Variants in PDE4B observed in about 807,000 individuals in gnomAD.
The protein encoded by PDE4B is 3',5'-cyclic-AMP phosphodiesterase 4B.
A neutral mutation model predicts 82.2 loss-of-function variants in PDE4B; 20 were observed. The ratio of observed to expected loss-of-function variants is 0.24; its 90% CI spans 0.17 to 0.35. The LOEUF is 0.35. PDE4B is among the 10% of genes least tolerant of loss of function. The pLI, the probability that PDE4B is intolerant of heterozygous loss-of-function variation, is 1.00. For missense variants in PDE4B, 655 were observed against 907.2 expected (o/e 0.72, Z 3.57); for synonymous variants, 320 against 318.9 (o/e 1.00, Z -0.04).
chr1:65,912,148 A>AT (rs1647099827), intron 1 of PDE4B, among the ~76,000 whole-genome samples: 1 of 152,112 alleles, frequency 6.6e-6, no homozygotes, highest in Admixed American at 6.6e-5. Flanking sequence ...TGGATTTTGT[A>AT]TTTTTTATAG....
intron 3 of PDE4B, among the ~76,000 whole-genome samples, chr1:65,989,497 A>G (rs2100673117): frequency 6.6e-6 from 1 of 152,314 alleles, no homozygotes; most frequent in East Asian, 1.9e-4. Flanking sequence ...TCTAAAAAAT[A>G]AAATAAAATA....
chr1:65,966,028 G>C (rs572401848), intron 3 of PDE4B, among the ~76,000 whole-genome samples: 43 of 152,206 alleles, frequency 2.8e-4, no homozygotes, highest in African/African-American at 1.0e-3. Context: ...ATTCAACATA[G>C]TATTGGAAGT....
At chr1:66,088,621 G>A (rs1055928993) in intron 3 of PDE4B, among the ~76,000 whole-genome samples, 2 of 152,058 alleles carry the variant, frequency 1.3e-5, no homozygotes, top group Non-Finnish European at 2.9e-5. Flanking sequence ...TAGACTAAGT[G>A]AAGTAGAAGC....
chr1:66,369,911 G>GCTGAGGTGGACGGATCAC (rs1663551206), intron 16 of PDE4B, among the ~76,000 whole-genome samples: 1 of 152,042 alleles, frequency 6.6e-6, no homozygotes, highest in Non-Finnish European at 1.5e-5. Context: ...ACTTTGGGAG[G>GCTGAGGTGGACGGATCAC]CTGAGGTGGA....
At chr1:65,847,237 C>T (rs2101372005) in intron 1 of PDE4B, among the ~76,000 whole-genome samples, 1 of 152,312 alleles carries the variant, frequency 6.6e-6, no homozygotes, top group South Asian at 2.1e-4. Context: ...TCCATGGGCT[C>T]ATTTGAGCCC....
chr1:66,106,513 A>G (rs9436316), intron 3 of PDE4B, among the ~76,000 whole-genome samples: 150,258 of 150,680 alleles, frequency 1, 74,920 homozygotes, highest in Middle Eastern at 1. Context: ...AGAAGGAATC[A>G]TACCAGTTCC....
intron 1 of PDE4B, among the ~76,000 whole-genome samples, chr1:65,882,191 C>A (rs1473552812): frequency 6.6e-6 from 1 of 152,156 alleles, no homozygotes; most frequent in Non-Finnish European, 1.5e-5. Flanking sequence ...TCTGAGATGT[C>A]ACTGTTTAGT....
intron 3 of PDE4B, chr1:65,993,189 A>G (rs569329837): frequency 1.4e-6 from 2 of 1,384,406 alleles, no homozygotes; most frequent in South Asian, 2.5e-5. Context: ...AGATTCTCGC[A>G]TTAGCACCAG....
At chr1:66,230,780 G>A (rs1396003620) in intron 3 of PDE4B, among the ~76,000 whole-genome samples, 1 of 152,154 alleles carries the variant, frequency 6.6e-6, no homozygotes, top group African/African-American at 2.4e-5. Flanking sequence ...GTGCAGTGTG[G>A]CTCACGCCTG....
At chr1:65,814,617 C>T (rs1645858679) in intron 1 of PDE4B, among the ~76,000 whole-genome samples, 1 of 152,184 alleles carries the variant, frequency 6.6e-6, no homozygotes, top group Non-Finnish European at 1.5e-5. Context: ...CTCTCTCTAA[C>T]CCATCCTTTG....
chr1:65,797,599 G>T (rs1417467606), intron 1 of PDE4B, among the ~76,000 whole-genome samples: 2 of 152,184 alleles, frequency 1.3e-5, no homozygotes, highest in Non-Finnish European at 2.9e-5. Flanking sequence ...AGGGGAAGAA[G>T]AAGCCTCCCC....
chr1:65,815,237 G>A (rs1645869598), intron 1 of PDE4B, among the ~76,000 whole-genome samples: 1 of 112,776 alleles, frequency 8.9e-6, no homozygotes, highest in African/African-American at 3.4e-5. Flanking sequence ...ACATTTTTAA[G>A]CAAGCATAAC....
intron 3 of PDE4B, among the ~76,000 whole-genome samples, chr1:66,126,079 T>TA (rs1553149249): frequency 6.6e-6 from 1 of 152,218 alleles, no homozygotes; most frequent in African/African-American, 2.4e-5. Context: ...GTGTTGGGAT[T>TA]ACAGGCGTGA....
chr1:66,058,020 A>G (rs1009273992), intron 3 of PDE4B, among the ~76,000 whole-genome samples: 7 of 152,236 alleles, frequency 4.6e-5, no homozygotes, highest in African/African-American at 1.4e-4. Flanking sequence ...ATAAGCCTGT[A>G]AAATCAAAAG....
At chr1:66,251,685 T>C (rs1011897644) in intron 4 of PDE4B, among the ~76,000 whole-genome samples, 7 of 151,068 alleles carry the variant, frequency 4.6e-5, no homozygotes, top group African/African-American at 7.3e-5. Context: ...GCTAGAGGAG[T>C]CAGGCAGGCA....
intron 3 of PDE4B, among the ~76,000 whole-genome samples, chr1:66,169,355 T>G (rs1420406300): frequency 6.6e-6 from 1 of 152,222 alleles, no homozygotes; most frequent in African/African-American, 2.4e-5. Flanking sequence ...CCAGCATGCT[T>G]AGAGCAGTCA....
intron 3 of PDE4B, among the ~76,000 whole-genome samples, chr1:66,133,914 C>G (rs1646001779): frequency 6.6e-6 from 1 of 152,114 alleles, no homozygotes; most frequent in South Asian, 2.1e-4. Context: ...TCTGACTTTC[C>G]CTATTTCTCC....
chr1:65,822,660 G>T (rs924283539), intron 1 of PDE4B, among the ~76,000 whole-genome samples: 2 of 152,130 alleles, frequency 1.3e-5, no homozygotes, highest in Non-Finnish European at 2.9e-5. Context: ...TAAAAGGGCT[G>T]GAGGGACCTA....
chr1:66,183,545 G>T (rs1296734373), intron 3 of PDE4B, among the ~76,000 whole-genome samples: 2 of 152,140 alleles, frequency 1.3e-5, no homozygotes, highest in Non-Finnish European at 2.9e-5. Context: ...TATCCGACAA[G>T]TTCCATGAAA....
Sources: allele counts gnomAD v4.1 joint callset (sites outside exome capture counted in the v4.1 genomes callset), GRCh38; gene constraint gnomAD v4.1.1; transcripts MANE v1.5; gene names NCBI Gene and HGNC (gene_info 2026-07-23, HGNC 2026-07-21).